The following POGLUT1 variants were observed in gnomAD, a reference collection of about 807,000 sequenced individuals.
The protein encoded by POGLUT1 is 9630046K23Rik.
Under a neutral mutation model 61.3 loss-of-function variants are expected in POGLUT1, and 32 were observed. That is an observed-to-expected ratio of 0.52 (90% CI 0.39 to 0.70). The LOEUF is 0.70. Ranked by LOEUF, POGLUT1 falls within the 30% of genes least tolerant of loss-of-function variation. The pLI, the probability that POGLUT1 is intolerant of heterozygous loss-of-function variation, is 0.00. For synonymous variants in POGLUT1, 158 were observed against 158.2 expected, an observed-to-expected ratio of 1.00 and a Z score of 0.01; for missense variants, 411 against 469.8, an observed-to-expected ratio of 0.87 and a Z score of 1.16.
Position 119,486,818 on chromosome 3 carries a change from G to C in POGLUT1, c.639-15G>C. On this transcript the variant is annotated splice_polypyrimidine_tract_variant and intron_variant, in intron 6 of 10. Coordinates refer to ENST00000295588, the MANE Select transcript of POGLUT1 (RefSeq NM_152305.3). Reference sequence around the variant, plus strand: ...TACAGGCCACACAGTTTTATGTCACGTGTTTCTTTTATAGGACAAGTCCAG... The same window carrying C: ...TACAGGCCACACAGTTTTATGTCACCTGTTTCTTTTATAGGACAAGTCCAG... The C allele has an allele frequency of 6.4e-7, 1 of 1,563,716 alleles. No individual in the cohort carries two copies. The highest frequency in any genetic ancestry group is 8.8e-7 in the Non-Finnish European group (1 of 1,134,466).
chr3:119,485,225 A>G, intron 5 of POGLUT1, 103 bp from the exon 6 acceptor site: 2 of 787,856 alleles, frequency 2.5e-6, no homozygotes, highest in Non-Finnish European at 2.1e-6. Context: ...TCAAAAAAAA[A>G]AAAGAAATAT....
intron 3 of POGLUT1, among the ~76,000 whole-genome samples, chr3:119,474,681 CAA>C (rs1408465212): frequency 1.3e-5 from 2 of 151,834 alleles, no homozygotes; most frequent in Non-Finnish European, 2.9e-5. Context: ...ACTAAAAATA[CAA>C]AAAAATTTAG....
At chr3:119,483,591 GTTA>G (rs1376326161) in intron 5 of POGLUT1, among the ~76,000 whole-genome samples, 2 of 152,216 alleles carry the variant, frequency 1.3e-5, no homozygotes, top group Non-Finnish European at 2.9e-5. Context: ...GATGTTGGCT[GTTA>G]TTATTATTTA....
chr3:119,492,414 C>A lies in POGLUT1; in HGVS notation c.1155C>A (p.Pro385=). The A allele has an allele frequency of 6.2e-7, 1 of 1,602,248 alleles. No homozygotes were observed. Among genetic ancestry groups the A allele is most frequent in the South Asian group, 1.1e-5 (1 of 89,710 alleles). Residue 385 remains proline, a synonymous_variant, in exon 11 of 11, where the codon CCC becomes CCA. Transcript: ENST00000295588. ...TRRKGYDQII[P]KMLKTEL ...GGAAAGGTTATGATCAAATTATTCC[C>A]AAAATGTTGAAAACTGAACTATAGT...
Position 119,492,335 on chromosome 3 carries a change from G to A in POGLUT1, c.1076G>A (p.Trp359Ter). The part of the protein sequence containing the change: ...HLQMDDITCY[W>*]ENLLSEYSKF... ...CAGATGGATGACATCACCTGTTACT[G>A]GGAGAACCTCTTGAGTGAATACTCT... The change falls in exon 11 of 11, where the codon TGG (tryptophan) becomes TAG (stop). Residue 359 changes from tryptophan (W) to a stop codon, truncating the protein, a stop_gained. Transcript: ENST00000295588. LOFTEE classifies it high-confidence loss of function. 6.2e-7 allele frequency: 1 copy of A among 1,610,404 alleles called. No homozygotes were observed.
chr3:119,491,907 A>G (rs1339052329), intron 10 of POGLUT1, among the ~76,000 whole-genome samples: 1 of 152,070 alleles, frequency 6.6e-6, no homozygotes, highest in East Asian at 1.9e-4. Flanking sequence ...CAAAAAAATT[A>G]GCCGGGTGTG....
intron 3 of POGLUT1, among the ~76,000 whole-genome samples, chr3:119,474,496 T>A (rs2081513352): frequency 6.6e-6 from 1 of 152,192 alleles, no homozygotes; most frequent in Non-Finnish European, 1.5e-5. Context: ...TTATAGATTA[T>A]TTTCTAGTTT....
chr3:119,474,038 A>T (rs2081507616), intron 3 of POGLUT1, among the ~76,000 whole-genome samples: 1 of 152,240 alleles, frequency 6.6e-6, no homozygotes, highest in South Asian at 2.1e-4. Flanking sequence ...CATTTCAAGG[A>T]TGAGCAGAGG....
intron 5 of POGLUT1, among the ~76,000 whole-genome samples, chr3:119,481,078 A>G (rs140735190): frequency 5.0e-4 from 76 of 152,264 alleles, no homozygotes; most frequent in African/African-American, 1.8e-3. Context: ...TTCTTTAAAT[A>G]AGAGTGCATT....
At chr3:119,475,811 C>CAA (rs570304235) in intron 3 of POGLUT1, among the ~76,000 whole-genome samples, 1 of 122,998 alleles carries the variant, frequency 8.1e-6, no homozygotes, top group African/African-American at 3.0e-5. Flanking sequence ...GGCTCCATCT[C>CAA]AAAAAAAAAA....
In POGLUT1 at chr3:119,468,990, G is replaced by C; in HGVS notation, c.-32G>C. ...GCGGGGCCGCGCTTCCGCCAGCGCC[G>C]CAGCGGGGAATCTGCAGTAGGTCTG... On this transcript the variant is annotated 5_prime_UTR_variant, in exon 1 of 11. Coordinates refer to ENST00000295588, the MANE Select transcript of POGLUT1 (RefSeq NM_152305.3). 6.3e-7 allele frequency: 1 copy of C among 1,581,662 alleles called. No homozygotes were observed. Among genetic ancestry groups the C allele is most frequent in the Non-Finnish European group, 8.6e-7 (1 of 1,162,428 alleles).
intron 4 of POGLUT1, among the ~76,000 whole-genome samples, chr3:119,478,901 A>AAT (rs1553776117): frequency 0.28 from 38,362 of 137,152 alleles, 5,796 homozygotes; most frequent in South Asian, 0.36. Flanking sequence ...AAAAAAAAAA[A>AAT]AAAGGGGGGA....
intron 4 of POGLUT1, chr3:119,477,998 G>A (rs1439627753): frequency 4.1e-6 from 1 of 241,472 alleles, no homozygotes; most frequent in African/African-American, 2.3e-5. Flanking sequence ...TATGCAAGGG[G>A]GTGATCTTTT....
chr3:119,492,534 A>G lies in POGLUT1; in HGVS notation c.*96A>G, dbSNP rs1194436578. The G allele has an allele frequency of 2.7e-6, 2 of 736,646 alleles. No homozygotes were observed. The highest frequency in any genetic ancestry group is 3.6e-5 in the African/African-American group (2 of 55,552). The allele number at this position is 736,646 out of a possible 1,614,324, so 45.6% of individuals were successfully genotyped here. A position where few individuals can be genotyped will look rare whatever the true frequency, so the allele number is the denominator to read the frequency against. On this transcript the variant is annotated 3_prime_UTR_variant, in exon 11 of 11. Coordinates refer to ENST00000295588, the MANE Select transcript of POGLUT1 (RefSeq NM_152305.3). ...TAAGCTTGGCACCTATACCTTGAAT[A>G]TCTGCTATCAAGCCAAATACCTGGT...
At chr3:119,478,717 C>T (rs2081570238) in intron 4 of POGLUT1, among the ~76,000 whole-genome samples, 1 of 152,052 alleles carries the variant, frequency 6.6e-6, no homozygotes, top group South Asian at 2.1e-4. Flanking sequence ...ATTTGAGAGA[C>T]AGCAAACAGC....
At chr3:119,477,236 A>C (rs2081548034) in intron 3 of POGLUT1, 77 bp from the exon 4 acceptor site, 2 of 1,410,342 alleles carry the variant, frequency 1.4e-6, no homozygotes, top group Middle Eastern at 1.8e-4. Context: ...CTTACTTTAA[A>C]ATGTGAATGG....
intron 3 of POGLUT1, among the ~76,000 whole-genome samples, chr3:119,472,728 A>ATAAG (rs1221001734): frequency 6.6e-6 from 1 of 151,886 alleles, no homozygotes; most frequent in African/African-American, 2.4e-5. Context: ...AAATAAATAA[A>ATAAG]TAAATGTAAA....
At chr3:119,482,483 C>T (rs946502588) in intron 5 of POGLUT1, among the ~76,000 whole-genome samples, 1 of 152,158 alleles carries the variant, frequency 6.6e-6, no homozygotes, top group Non-Finnish European at 1.5e-5. Context: ...CCAGTTACTC[C>T]ACCGTGTAGT....
At chr3:119,476,817 G>A (rs1049076845) in intron 3 of POGLUT1, among the ~76,000 whole-genome samples, 5 of 152,156 alleles carry the variant, frequency 3.3e-5, no homozygotes, top group Non-Finnish European at 7.4e-5. Context: ...TCTTTATTCA[G>A]GTTGAAGGTA....
Sources: allele counts gnomAD v4.1 joint callset (sites outside exome capture counted in the v4.1 genomes callset), GRCh38; gene constraint gnomAD v4.1.1; transcripts MANE v1.5; gene names NCBI Gene and HGNC (gene_info 2026-07-23, HGNC 2026-07-21).